Variants in NCOA2 observed in about 807,000 individuals in gnomAD.
NCOA2 encodes the protein nuclear receptor coactivator 2, also known as class E basic helix-loop-helix protein 75.
Under a neutral mutation model 145.1 loss-of-function variants are expected in NCOA2, and 21 were observed. That is an observed-to-expected ratio of 0.14 (90% CI 0.10 to 0.21). The LOEUF is 0.21. Among genes scored for constraint, NCOA2 ranks in the 10% least tolerant of loss-of-function variants. The probability of loss-of-function intolerance (pLI) is 1.00; values close to 1 mark genes in which losing one functional copy is unlikely to be tolerated. For synonymous variants in NCOA2, 619 were observed against 637.5 expected (o/e 0.97, Z 0.44); for missense variants, 1,472 against 1,837.6 (o/e 0.80, Z 3.64).
intron 22 of NCOA2, among the ~76,000 whole-genome samples, chr8:70,120,875 T>C (rs1396198383): frequency 6.6e-6 from 1 of 152,058 alleles, no homozygotes; most frequent in African/African-American, 2.4e-5. Context: ...ATTAAGGGAG[T>C]GAACAATGTA....
At chr8:70,150,446 A>G (rs1399584120) in intron 11 of NCOA2, among the ~76,000 whole-genome samples, 1 of 152,172 alleles carries the variant, frequency 6.6e-6, no homozygotes, top group African/African-American at 2.4e-5. Flanking sequence ...GCCATACTGC[A>G]TTTAAAAAGC....
At chr8:70,359,458 G>GAAACA (rs1462471050) in intron 1 of NCOA2, among the ~76,000 whole-genome samples, 2 of 152,124 alleles carry the variant, frequency 1.3e-5, no homozygotes, top group Non-Finnish European at 2.9e-5. Flanking sequence ...CTAAGAAAAA[G>GAAACA]AAACAAGGTA....
At chr8:70,370,966 G>A (rs1037602339) in intron 1 of NCOA2, among the ~76,000 whole-genome samples, 5 of 152,220 alleles carry the variant, frequency 3.3e-5, no homozygotes, top group South Asian at 2.1e-4. Flanking sequence ...ATAATGATAC[G>A]TGTGTTTAAA....
At chr8:70,412,623 G>A in the NCOA2 span, among the ~76,000 whole-genome samples, 1 of 142,084 alleles carries the variant, frequency 7.0e-6, no homozygotes, top group Admixed American at 7.0e-5. Context: ...ACTCCAGCCT[G>A]GGCAACAGAG....
chr8:70,143,284 A>G lies in NCOA2; in HGVS notation c.2812+1358T>C, dbSNP rs190419106. 4.6e-5 allele frequency among the ~76,000 whole-genome samples: 7 copies of G among 152,100 alleles called. No individual in the cohort carries two copies. The East Asian group carries it at 1.2e-3, about 25-fold the overall frequency. Reference sequence around the variant, plus strand: ...TTTTTAAACAGCGTGAGAGTATTGTATGATCTTCACAGGCTGGACACCAGT... The same window carrying G: ...TTTTTAAACAGCGTGAGAGTATTGTGTGATCTTCACAGGCTGGACACCAGT... On this transcript the variant is annotated intron_variant, in intron 13 of 22. Transcript: ENST00000452400.
In NCOA2 at chr8:70,141,237, G is replaced by A; in HGVS notation, c.2975C>T (p.Pro992Leu). The A allele has an allele frequency of 2.5e-6, 4 of 1,613,908 alleles. No homozygotes were observed. Among genetic ancestry groups the A allele is most frequent in the Non-Finnish European group, 3.4e-6 (4 of 1,179,856 alleles). ...CTGTCTTTGGCCAGGCTGGCTGCTG[G>A]GCCTCATGGGGATGCTGGCTGCTGG... ...RNPAASIPMR[P>L]SSQPGQRQTL... The change falls in exon 14 of 23, where the codon CCC becomes CTC. Residue 992 changes from proline (P) to leucine (L), a missense_variant. Pro to Leu is a moderately conservative substitution (Grantham distance 98, BLOSUM62 -3). Coordinates refer to ENST00000452400, the MANE Select transcript of NCOA2 (RefSeq NM_006540.4).
At chr8:70,407,554 C>T (rs986719210), upstream of NCOA2, among the ~76,000 whole-genome samples, 6 of 150,984 alleles carry the variant, frequency 4.0e-5, no homozygotes, top group Non-Finnish European at 7.4e-5. Flanking sequence ...TTTGGGAGGC[C>T]GAGGCAGGCA....
chr8:70,150,540 C>A (rs541538972), intron 11 of NCOA2, among the ~76,000 whole-genome samples: 1 of 152,218 alleles, frequency 6.6e-6, no homozygotes, highest in Non-Finnish European at 1.5e-5. Context: ...GATCACTCCA[C>A]TACGGCAGGT....
chr8:70,440,170 G>A, the NCOA2 span, among the ~76,000 whole-genome samples: 18 of 152,240 alleles, frequency 1.2e-4, no homozygotes, highest in East Asian at 3.9e-4. Flanking sequence ...CTGTAGTCTC[G>A]GGAGGCTGAA....
the NCOA2 span, among the ~76,000 whole-genome samples, chr8:70,452,390 C>T: frequency 8.5e-5 from 13 of 152,278 alleles, no homozygotes; most frequent in South Asian, 2.1e-4. Context: ...CTACAAGATA[C>T]CATGTCACAC....
chr8:70,406,005 G>C (rs944875687), upstream of NCOA2, among the ~76,000 whole-genome samples: 1 of 152,082 alleles, frequency 6.6e-6, no homozygotes, highest in Non-Finnish European at 1.5e-5. Context: ...CAATCTCTGG[G>C]TGCCCTCTGA....
At chr8:70,242,481 G>A (rs1186525257) in intron 2 of NCOA2, among the ~76,000 whole-genome samples, 2 of 152,076 alleles carry the variant, frequency 1.3e-5, no homozygotes, top group Non-Finnish European at 2.9e-5. Flanking sequence ...GCTAAAAAAT[G>A]CAAAGTCTTA....
rs138242206 is a variant in NCOA2, at chr8:70,310,825, T to C, written c.-76-14025A>G. On this transcript the variant is annotated intron_variant, in intron 1 of 22. Coordinates refer to ENST00000452400, the MANE Select transcript of NCOA2 (RefSeq NM_006540.4). ...GCATAGACAATTTAACCTTTCATAA[T>C]ATCATCCTCAGGGCTCTAAAATTAT... 1.6e-4 allele frequency among the ~76,000 whole-genome samples: 25 copies of C among 152,356 alleles called. No individual in the cohort carries two copies. The East Asian group carries it at 4.8e-3, about 29-fold the overall frequency.
chr8:70,385,330 CTTGT>C (rs1189019764), intron 1 of NCOA2, among the ~76,000 whole-genome samples: 4 of 152,244 alleles, frequency 2.6e-5, no homozygotes, highest in Non-Finnish European at 2.9e-5. Flanking sequence ...CAAGGTCACA[CTTGT>C]TTAAGTGATG....
At chr8:70,376,263 TAGTC>T (rs1462316519) in intron 1 of NCOA2, among the ~76,000 whole-genome samples, 3 of 152,174 alleles carry the variant, frequency 2.0e-5, no homozygotes, top group Non-Finnish European at 4.4e-5. Context: ...AATAGGTCAT[TAGTC>T]AGTCTCCTTC....
chr8:70,185,812 G>T (rs1486987614), intron 4 of NCOA2, among the ~76,000 whole-genome samples: 4 of 152,188 alleles, frequency 2.6e-5, no homozygotes, highest in African/African-American at 7.2e-5. Flanking sequence ...AGGAAAATAA[G>T]TGGGTATATG....
At chr8:70,329,395 GCCA>G (rs1452980039) in intron 1 of NCOA2, among the ~76,000 whole-genome samples, 1 of 152,142 alleles carries the variant, frequency 6.6e-6, no homozygotes, top group Non-Finnish European at 1.5e-5. Context: ...ACAGGCATAA[GCCA>G]CTGTTTCTGA....
At position 70,381,413 on chromosome 8, in the gene NCOA2, G is replaced by A. The variant is rs548484086; in HGVS notation, c.-77+22287C>T. Among the ~76,000 whole-genome samples, 60 of 152,150 alleles carry A rather than the reference G, an allele frequency of 3.9e-4. No individual in the cohort carries two copies. In the South Asian group the frequency reaches 0.011, roughly 29 times the overall value. ...AAGTTTCCATTGTTTCAAATGGCTCGTTTGTTAAAGTGAAGGCAGTAGTGC... is the reference window on the plus strand; with the variant it reads ...AAGTTTCCATTGTTTCAAATGGCTCATTTGTTAAAGTGAAGGCAGTAGTGC... On this transcript the variant is annotated intron_variant, in intron 1 of 22. Transcript: ENST00000452400.
chr8:70,200,948 T>C (rs891487458), intron 4 of NCOA2, among the ~76,000 whole-genome samples: 39 of 146,554 alleles, frequency 2.7e-4, no homozygotes, highest in African/African-American at 9.1e-4. Flanking sequence ...CTTGGGAGGC[T>C]GAGGTGGGAG....
Sources: gnomAD v4.1 joint callset for allele counts (sites outside exome capture counted in the v4.1 genomes callset) on GRCh38, gnomAD v4.1.1 for gene constraint, MANE v1.5 for transcripts, NCBI Gene and HGNC (gene_info 2026-07-23, HGNC 2026-07-21) for gene names.